Variants in RGS16 observed in about 807,000 individuals in gnomAD.
The protein encoded by RGS16 is regulator of G protein signaling 16.
In RGS16, 12 loss-of-function variants were observed where a neutral mutation model predicts 18.1. That is an observed-to-expected ratio of 0.66 (90% CI 0.42 to 1.07). RGS16 has a LOEUF of 1.07. Ranked by LOEUF, RGS16 falls within the 50% of genes least tolerant of loss-of-function variation. RGS16 has a pLI of 0.00. For synonymous variants in RGS16, 88 were observed against 102.0 expected, an observed-to-expected ratio of 0.86 and a Z score of 0.83; for missense variants, 238 against 249.2, an observed-to-expected ratio of 0.95 and a Z score of 0.30.
Position 182,600,362 on chromosome 1 carries a change from A to C in RGS16, c.539T>G (p.Leu180Arg). Residue 180 changes from leucine (L) to arginine (R), a missense_variant, in exon 5 of 5, where the codon CTG (leucine) becomes CGG (arginine). Leu to Arg is a moderately radical substitution (Grantham distance 102). Coordinates refer to ENST00000367558, the MANE Select transcript of RGS16 (RefSeq NM_002928.4). Reference protein sequence around the residue: ...RFLKSPAYRDLAAQASAASAT... With the variant: ...RFLKSPAYRDRAAQASAASAT... Reference sequence around the variant, plus strand: ...AGAGGCGGCTGAGGCTTGGGCAGCCAGGTCCCGGTAAGCAGGCGACTTCAG... The same window carrying C: ...AGAGGCGGCTGAGGCTTGGGCAGCCCGGTCCCGGTAAGCAGGCGACTTCAG... 1 of 1,613,852 alleles carries C rather than the reference A, an allele frequency of 6.2e-7. No individual in the cohort carries two copies. The highest frequency in any genetic ancestry group is 1.1e-5 in the South Asian group (1 of 91,074).
intron 1 of RGS16, among the ~76,000 whole-genome samples, chr1:182,603,806 C>T (rs1191002468): frequency 1.3e-5 from 2 of 151,402 alleles, no homozygotes; most frequent in African/African-American, 4.9e-5. Context: ...CCCACCCCCA[C>T]ACACCCCACC....
chr1:182,601,973 G>T lies in RGS16; in HGVS notation c.380C>A (p.Pro127His). 4.3e-6 allele frequency: 7 copies of T among 1,614,170 alleles called. No homozygotes were observed. Among genetic ancestry groups the T allele is most frequent in the Non-Finnish European group, 5.1e-6 (6 of 1,180,012 alleles). The change falls in exon 4 of 5, where the codon CCT becomes CAT. Residue 127 changes from proline to histidine, a missense_variant. Physicochemically the swap from Pro to His is moderately conservative, Grantham distance 77. Coordinates refer to ENST00000367558, the MANE Select transcript of RGS16 (RefSeq NM_002928.4). ...GCATATGGGGGCTCTAACCTCTTTA[G>T]GGGCCTCACTGCAAATGAACTCCTC... is the stretch of plus-strand genomic sequence containing the variant. ...IFEEFICSEAPKEVNIDHETH... is the reference protein window; with the variant it reads ...IFEEFICSEAHKEVNIDHETH...
chr1:182,603,843 C>T (rs1366894561), intron 1 of RGS16, among the ~76,000 whole-genome samples: 1 of 152,112 alleles, frequency 6.6e-6, no homozygotes, highest in Non-Finnish European at 1.5e-5. Context: ...CCCTGTCTTC[C>T]AGGGGCAGAG....
rs970909010 is a variant in RGS16 at position 182,600,156 on chromosome 1, A to ATTT, written c.*133_*135dup. The ATTT allele has an allele frequency of 2.1e-4, 70 of 330,016 alleles. 12 individuals are homozygous for ATTT. The highest frequency in any genetic ancestry group is 1.3e-3 in the African/African-American group (32 of 24,410). 20.4% of individuals were successfully genotyped at this position (330,016 alleles called of 1,614,324 possible). A position where few individuals can be genotyped will look rare whatever the true frequency, so the allele number is the denominator to read the frequency against. On this transcript the variant is annotated 3_prime_UTR_variant, in exon 5 of 5. Coordinates refer to ENST00000367558, the MANE Select transcript of RGS16 (RefSeq NM_002928.4). The stretch of plus-strand genomic sequence containing the variant: ...CTTCCCAAACAGGCTGCTGGAGCGC[A>ATTT]TTTTTTTTTTTTTTTTTTTTTTTTT...
chr1:182,599,885 A>T lies in RGS16; in HGVS notation c.*407T>A, dbSNP rs1558487122. On this transcript the variant is annotated 3_prime_UTR_variant, in exon 5 of 5. Coordinates refer to ENST00000367558, the MANE Select transcript of RGS16 (RefSeq NM_002928.4). The stretch of plus-strand genomic sequence containing the variant: ...AATCAGAGTCAACTGAGCAACAGGC[A>T]AAACAGCTGATCTGGATGTCTTTCC... 1 of 206,306 alleles carries T rather than the reference A, an allele frequency of 4.8e-6. No individual in the cohort carries two copies. The highest frequency in any genetic ancestry group is 8.2e-5 in the South Asian group (1 of 12,204). 12.8% of individuals were successfully genotyped at this position (206,306 alleles called of 1,614,324 possible).
rs538839756 is a variant in RGS16, at chr1:182,602,727, T to C, written c.156-243A>G. Among the ~76,000 whole-genome samples the C allele has an allele frequency of 3.4e-4, 52 of 152,260 alleles. 1 individual carries two copies. Among genetic ancestry groups the C allele is most frequent in the Middle Eastern group, 3.4e-3 (1 of 294 alleles). On this transcript the variant is annotated intron_variant, in intron 2 of 4. Transcript: ENST00000367558. ...GACTCTTTAGTCCTCAGTCAATATCTCTAAGCCTGTCTCGTCTCTGTCCAA... is the reference window on the plus strand; with the variant it reads ...GACTCTTTAGTCCTCAGTCAATATCCCTAAGCCTGTCTCGTCTCTGTCCAA...
chr1:182,601,735 C>T (rs1040526359), intron 4 of RGS16, among the ~76,000 whole-genome samples: 1 of 152,174 alleles, frequency 6.6e-6, no homozygotes, highest in Non-Finnish European at 1.5e-5. Flanking sequence ...GGACAGAAGC[C>T]GAAAAACCTG....
chr1:182,600,354 G>C lies in RGS16; in HGVS notation c.547C>G (p.Gln183Glu), dbSNP rs1326759724. 1 of 1,613,866 alleles carries C rather than the reference G, an allele frequency of 6.2e-7. No individual in the cohort carries two copies. The highest frequency in any genetic ancestry group is 8.5e-7 in the Non-Finnish European group (1 of 1,179,934). The stretch of plus-strand genomic sequence containing the variant: ...AGAGTGGCAGAGGCGGCTGAGGCTT[G>C]GGCAGCCAGGTCCCGGTAAGCAGGC... ...KSPAYRDLAA[Q>E]ASAASATLSS... is the part of the protein sequence containing the mutation. The change falls in exon 5 of 5, where the codon CAA (glutamine) becomes GAA (glutamate). Residue 183 changes from glutamine (Q) to glutamate (E), a missense_variant. Coordinates refer to ENST00000367558, the MANE Select transcript of RGS16 (RefSeq NM_002928.4).
intron 4 of RGS16, 69 bp from the exon 5 acceptor site, chr1:182,600,582 G>A (rs1028641942): frequency 4.0e-6 from 5 of 1,262,018 alleles, no homozygotes; most frequent in East Asian, 2.3e-5. Flanking sequence ...GAGGGCCAAC[G>A]GCAGGCTGGG....
chr1:182,603,997 A>G (rs1661910099), intron 1 of RGS16, among the ~76,000 whole-genome samples: 2 of 152,140 alleles, frequency 1.3e-5, no homozygotes, highest in Non-Finnish European at 2.9e-5. Flanking sequence ...GCAGTTTGTC[A>G]GAGGATGGGG....
At chr1:182,600,780 C>T (rs1160729784) in intron 4 of RGS16, among the ~76,000 whole-genome samples, 1 of 152,184 alleles carries the variant, frequency 6.6e-6, no homozygotes, top group Non-Finnish European at 1.5e-5. Flanking sequence ...CTACAGCAAC[C>T]CTGCTTCAAG....
At position 182,600,240 on chromosome 1, in the gene RGS16, G is replaced by T; in HGVS notation, c.*52C>A. On this transcript the variant is annotated 3_prime_UTR_variant, in exon 5 of 5. Coordinates refer to ENST00000367558, the MANE Select transcript of RGS16 (RefSeq NM_002928.4). ...CCCACACAGGGGCAGCCACCTCGGGGATGGGTGACTCAACCTCTCTTCCCG... is the reference window on the plus strand; with the variant it reads ...CCCACACAGGGGCAGCCACCTCGGGTATGGGTGACTCAACCTCTCTTCCCG... 1 of 1,522,808 alleles carries T rather than the reference G, an allele frequency of 6.6e-7. No individual in the cohort carries two copies. Among genetic ancestry groups the T allele is most frequent in the Non-Finnish European group, 9.0e-7 (1 of 1,105,668 alleles). The allele number at this position is 1,522,808 out of a possible 1,614,324, so 94.3% of individuals were successfully genotyped here.
chr1:182,603,156 TG>T, intron 2 of RGS16, 72 bp downstream of exon 2: 2 of 1,086,594 alleles, frequency 1.8e-6, no homozygotes, highest in South Asian at 2.5e-5. Flanking sequence ...GGCTTCTCCC[TG>T]TATTTCCCTC....
Position 182,600,208 on chromosome 1 carries a change from C to G in RGS16, c.*84G>C, listed in dbSNP as rs1001949693. The G allele has an allele frequency of 4.1e-6, 3 of 727,538 alleles. No homozygotes were observed. Among genetic ancestry groups the G allele is most frequent in the African/African-American group, 4.2e-5 (2 of 47,142 alleles). The allele number at this position is 727,538 out of a possible 1,614,324, so 45.1% of individuals were successfully genotyped here. On this transcript the variant is annotated 3_prime_UTR_variant, in exon 5 of 5. Transcript: ENST00000367558. ...GTCCTCTTGCACTTGCTTTGCAGAA[C>G]CTGCCTCCCACACAGGGGCAGCCAC...
chr1:182,600,652 C>T, intron 4 of RGS16, 139 bp from the exon 5 acceptor site: 2 of 678,804 alleles, frequency 2.9e-6, no homozygotes, highest in South Asian at 3.4e-5. Context: ...TGATCACTAG[C>T]TTTTCAGCTC....
At chr1:182,601,853 A>G (rs766680175) in intron 4 of RGS16, 113 bp downstream of exon 4, 2 of 1,338,870 alleles carry the variant, frequency 1.5e-6, no homozygotes, top group East Asian at 2.3e-5. Context: ...CCCTGTGCCA[A>G]GTAAGGCCCT....
intron 1 of RGS16, 74 bp downstream of exon 1, chr1:182,604,142 G>A (rs1661912922): frequency 6.6e-7 from 1 of 1,504,318 alleles, no homozygotes; most frequent in African/African-American, 1.4e-5. Flanking sequence ...GCCCACCCAG[G>A]TCCCCAGGCC....
chr1:182,601,874 C>T (rs753088159), intron 4 of RGS16, 92 bp downstream of exon 4: 3 of 1,508,308 alleles, frequency 2.0e-6, no homozygotes, highest in South Asian at 2.3e-5. Context: ...TCTACCTCTA[C>T]ACCTAGCCCT....
Position 182,600,461 on chromosome 1 carries a change from G to A in RGS16, c.440C>T (p.Ala147Val). The change falls in exon 5 of 5, where the codon GCC becomes GTC. Residue 147 changes from alanine (A) to valine (V), a missense_variant. By Grantham distance (64) the Ala-to-Val change is moderately conservative. Transcript: ENST00000367558. The part of the protein sequence containing the change: ...HELTRMNLQT[A>V]TATCFDAAQG... ...AGCCGCATCAAAGCATGTGGCTGTG[G>A]CAGTCTGCAGGTTCATCCTCGTCAG... is the stretch of plus-strand genomic sequence containing the variant. The A allele has an allele frequency of 6.2e-7, 1 of 1,614,084 alleles. No individual in the cohort carries two copies. Among genetic ancestry groups the A allele is most frequent in the Non-Finnish European group, 8.5e-7 (1 of 1,180,000 alleles).
Sources: gnomAD v4.1 joint callset for allele counts (sites outside exome capture counted in the v4.1 genomes callset) on GRCh38, gnomAD v4.1.1 for gene constraint, MANE v1.5 for transcripts, NCBI Gene and HGNC (gene_info 2026-07-23, HGNC 2026-07-21) for gene names.